The following GDPD1 variants were observed in gnomAD, a reference collection of about 807,000 sequenced individuals.
GDPD1 encodes the protein lysophospholipase D GDPD1.
Under a neutral mutation model 45.1 loss-of-function variants are expected in GDPD1, and 28 were observed. The ratio of observed to expected loss-of-function variants is 0.62; its 90% CI spans 0.46 to 0.85. The LOEUF (loss-of-function observed/expected upper bound fraction) is 0.85, where lower values mean the gene tolerates loss of function less well. Among genes scored for constraint, GDPD1 ranks in the 40% least tolerant of loss-of-function variants. The pLI, the probability that GDPD1 is intolerant of heterozygous loss-of-function variation, is 0.00. For synonymous variants in GDPD1, 139 were observed against 131.4 expected (o/e 1.06, Z -0.40); for missense variants, 256 against 364.8 (o/e 0.70, Z 2.43).
intron 3 of GDPD1, 44 bp from the exon 4 acceptor site, chr17:59,248,695 TA>T (rs1472330209): frequency 4.4e-6 from 6 of 1,367,414 alleles, no homozygotes; most frequent in South Asian, 1.3e-5. Context: ...AAAATCTTAT[TA>T]TTTTTTGAGA....
chr17:59,269,730 G>A (rs2047430459), intron 7 of GDPD1, among the ~76,000 whole-genome samples: 1 of 151,844 alleles, frequency 6.6e-6, no homozygotes, highest in Non-Finnish European at 1.5e-5. Context: ...GGCTGAGGCA[G>A]GAGAATCGCT....
chr17:59,233,526 A>G (rs576221927), intron 1 of GDPD1, among the ~76,000 whole-genome samples: 48 of 150,118 alleles, frequency 3.2e-4, no homozygotes, highest in Admixed American at 8.7e-4. Context: ...AAAAAAAAAA[A>G]AAAGAAAGAA....
At chr17:59,246,448 G>A (rs995632922) in intron 3 of GDPD1, among the ~76,000 whole-genome samples, 15 of 151,708 alleles carry the variant, frequency 9.9e-5, no homozygotes, top group African/African-American at 3.6e-4. Flanking sequence ...GCAAAACTCC[G>A]TCTCTACTAA....
At chr17:59,265,687 C>G (rs9903189) in intron 6 of GDPD1, among the ~76,000 whole-genome samples, 45 of 151,850 alleles carry the variant, frequency 3.0e-4, no homozygotes, top group African/African-American at 1.1e-3. Flanking sequence ...TGCTTGAGCC[C>G]AGGAGTTCGA....
rs1555724154 is a variant in GDPD1 at position 59,255,762 on chromosome 17, A to AT, written c.368-1360_368-1359insT. On this transcript the variant is annotated intron_variant, in intron 4 of 9. Coordinates refer to ENST00000284116, the MANE Select transcript of GDPD1 (RefSeq NM_182569.4). ...CCGTCTCAAAAAAAAAAAAAAAAAAAATATATATATATATATATATATACG... is the reference window on the plus strand; with the variant it reads ...CCGTCTCAAAAAAAAAAAAAAAAAAATATATATATATATATATATATATACG... 8.3e-3 allele frequency among the ~76,000 whole-genome samples: 366 copies of AT among 44,278 alleles called. 5 individuals are homozygous for AT. Among genetic ancestry groups the AT allele is most frequent in the Non-Finnish European group, 0.01 (287 of 28,356 alleles). 29.0% of individuals were successfully genotyped at this position (44,278 alleles called of 152,430 possible).
chr17:59,229,384 C>T (rs147689969), intron 1 of GDPD1, among the ~76,000 whole-genome samples: 8,778 of 151,392 alleles, frequency 0.058, 502 homozygotes, highest in African/African-American at 0.13. Flanking sequence ...GCCACCATAC[C>T]CAGCTAATTT....
chr17:59,261,090 C>T (rs1023762306), intron 6 of GDPD1, among the ~76,000 whole-genome samples: 1 of 151,998 alleles, frequency 6.6e-6, no homozygotes, highest in Admixed American at 6.6e-5. Context: ...CTCAGACTCC[C>T]GACTAGCTGG....
intron 4 of GDPD1, among the ~76,000 whole-genome samples, chr17:59,252,798 G>A (rs910429845): frequency 6.6e-6 from 1 of 151,832 alleles, no homozygotes; most frequent in Non-Finnish European, 1.5e-5. Flanking sequence ...TCAGGAGCTC[G>A]AGACCAGCCT....
At chr17:59,266,307 G>A (rs1327748840) in intron 6 of GDPD1, among the ~76,000 whole-genome samples, 1 of 148,672 alleles carries the variant, frequency 6.7e-6, no homozygotes, top group African/African-American at 2.5e-5. Flanking sequence ...AGAATTGCTT[G>A]AACTCAGGAG....
chr17:59,258,733 A>G (rs1275802221), intron 6 of GDPD1, among the ~76,000 whole-genome samples: 1 of 152,210 alleles, frequency 6.6e-6, no homozygotes, highest in African/African-American at 2.4e-5. Context: ...TTGCTTACCA[A>G]TATTTCATTA....
chr17:59,241,466 C>A (rs963885835), intron 2 of GDPD1, among the ~76,000 whole-genome samples: 28 of 152,098 alleles, frequency 1.8e-4, no homozygotes, highest in African/African-American at 6.3e-4. Flanking sequence ...TACAGGCATG[C>A]GACACTATGC....
chr17:59,247,033 G>C (rs1019877061), intron 3 of GDPD1, among the ~76,000 whole-genome samples: 25 of 152,056 alleles, frequency 1.6e-4, no homozygotes, highest in Admixed American at 9.8e-4. Context: ...CTCCCAAAGT[G>C]CTGGGATTAC....
intron 1 of GDPD1, among the ~76,000 whole-genome samples, chr17:59,233,060 A>G (rs1181958099): frequency 6.6e-6 from 1 of 152,152 alleles, no homozygotes; most frequent in African/African-American, 2.4e-5. Context: ...TACTAAAAGT[A>G]TAAAAATTAG....
chr17:59,258,370 C>A, intron 6 of GDPD1, among the ~76,000 whole-genome samples: 1 of 151,802 alleles, frequency 6.6e-6, no homozygotes, highest in South Asian at 2.1e-4. Context: ...ATGGTGAAAC[C>A]CTGTCTCTAT....
intron 2 of GDPD1, among the ~76,000 whole-genome samples, chr17:59,237,313 A>G (rs2047140353): frequency 6.6e-6 from 1 of 152,168 alleles, no homozygotes; most frequent in South Asian, 2.1e-4. Flanking sequence ...AGGTTGGAGG[A>G]TGGCTTGAGC....
In GDPD1 at chr17:59,237,342, A is replaced by G. The variant is rs193079177; in HGVS notation, c.185+2808A>G. Reference sequence around the variant, plus strand: ...CTTGAGCCTGGAAGGTAAAGGTTACAGTGAGCCGAGATGGCACCACTGTAC... The same window carrying G: ...CTTGAGCCTGGAAGGTAAAGGTTACGGTGAGCCGAGATGGCACCACTGTAC... On this transcript the variant is annotated intron_variant, in intron 2 of 9. Coordinates refer to ENST00000284116, the MANE Select transcript of GDPD1 (RefSeq NM_182569.4). Among the ~76,000 whole-genome samples the G allele has an allele frequency of 4.4e-4, 67 of 152,324 alleles. 2 individuals are homozygous for G. In the East Asian group the frequency reaches 0.011, roughly 26 times the overall value.
chr17:59,237,853 T>C (rs2047144809), intron 2 of GDPD1, among the ~76,000 whole-genome samples: 1 of 151,652 alleles, frequency 6.6e-6, no homozygotes, highest in African/African-American at 2.4e-5. Context: ...GCGGATCACT[T>C]GAGATGAGGA....
intron 8 of GDPD1, among the ~76,000 whole-genome samples, chr17:59,271,226 C>T (rs1167144566): frequency 6.6e-6 from 1 of 152,046 alleles, no homozygotes; most frequent in Non-Finnish European, 1.5e-5. Flanking sequence ...AAAACTGAGC[C>T]CCCATATACC....
intron 4 of GDPD1, among the ~76,000 whole-genome samples, chr17:59,253,733 T>C (rs1384828872): frequency 6.6e-6 from 1 of 152,154 alleles, no homozygotes; most frequent in East Asian, 1.9e-4. Flanking sequence ...GTCTTCCTTA[T>C]GAGCTTCAAG....
Sources: allele counts gnomAD v4.1 joint callset (sites outside exome capture counted in the v4.1 genomes callset), GRCh38; gene constraint gnomAD v4.1.1; transcripts MANE v1.5; gene names NCBI Gene and HGNC (gene_info 2026-07-23, HGNC 2026-07-21).